DLG5: variants seen among roughly 807,000 people sequenced by gnomAD.
DLG5 encodes disks large homolog 5.
DLG5 carries 48 observed loss-of-function variants against 189.8 expected under a neutral mutation model. The ratio of observed to expected loss-of-function variants is 0.25; its 90% confidence interval spans 0.20 to 0.32. The LOEUF (loss-of-function observed/expected upper bound fraction) is 0.32, where lower values mean the gene tolerates loss of function less well. DLG5 is among the 10% of genes least tolerant of loss of function. DLG5 has a pLI of 1.00. For missense variants in DLG5, 2,160 were observed against 2,544.7 expected (o/e 0.85, Z 3.25); for synonymous variants, 1,016 against 1,054.1 (o/e 0.96, Z 0.70).
intron 9 of DLG5, among the ~76,000 whole-genome samples, chr10:77,832,712 T>A (rs775231033): frequency 6.6e-6 from 1 of 152,130 alleles, no homozygotes; most frequent in African/African-American, 2.4e-5. Flanking sequence ...ACAAGCTGAA[T>A]GCACAAGCTT....
At chr10:77,933,507 T>C in the DLG5 span, among the ~76,000 whole-genome samples, 20 of 152,062 alleles carry the variant, frequency 1.3e-4, no homozygotes, top group Admixed American at 6.6e-4. Context: ...TTGGCCAGGC[T>C]AGTCTCAAAC....
chr10:77,869,650 G>A lies in DLG5; in HGVS notation c.305-453C>T, dbSNP rs181053624. On this transcript the variant is annotated intron_variant, in intron 1 of 31. Coordinates refer to ENST00000372391, the MANE Select transcript of DLG5 (RefSeq NM_004747.4). Reference sequence around the variant, plus strand: ...CTGTTCTGCTCTTTAGGTTCTAACTGTATTCAAGCTCAGTTCTTAATAATT... The same window carrying A: ...CTGTTCTGCTCTTTAGGTTCTAACTATATTCAAGCTCAGTTCTTAATAATT... The A allele has an allele frequency of 1.3e-4, 23 of 173,742 alleles. No individual in the cohort carries two copies. The East Asian group carries it at 3.4e-3, about 26-fold the overall frequency. 10.8% of individuals were successfully genotyped at this position (173,742 alleles called of 1,614,324 possible).
chr10:77,800,401 C>G (rs1841137964), intron 27 of DLG5, among the ~76,000 whole-genome samples: 1 of 152,186 alleles, frequency 6.6e-6, no homozygotes, highest in South Asian at 2.1e-4. Context: ...GCCTTTCCCC[C>G]TTCAGAGCAA....
chr10:77,931,849 T>G, the DLG5 span, among the ~76,000 whole-genome samples: 1 of 152,210 alleles, frequency 6.6e-6, no homozygotes, highest in Non-Finnish European at 1.5e-5. Context: ...CTAGGTACTG[T>G]ACTTCCCGGA....
chr10:77,829,343 C>T lies in DLG5; in HGVS notation c.2185+12G>A. 6.2e-7 allele frequency: 1 copy of T among 1,613,288 alleles called. No homozygotes were observed. Among genetic ancestry groups the T allele is most frequent in the East Asian group, 2.2e-5 (1 of 44,892 alleles). The stretch of plus-strand genomic sequence containing the variant: ...CACCTGAGGCACTCTGCCATGTTCA[C>T]AGGCCCGCTACCTTTCTGTCCACTG... On this transcript the variant is annotated intron_variant, in intron 12 of 31. Coordinates refer to ENST00000372391, the MANE Select transcript of DLG5 (RefSeq NM_004747.4).
intron 2 of DLG5, among the ~76,000 whole-genome samples, chr10:77,858,482 C>A (rs954760053): frequency 2.6e-5 from 4 of 151,604 alleles, no homozygotes; most frequent in Admixed American, 2.0e-4. Flanking sequence ...CAAAAAATAC[C>A]AAAAAATTAG....
rs111288064 is a variant in DLG5, at chr10:77,837,684, G to A, written c.1438-1762C>T. ...ATTCTGATTACACTGGTGAGGAACC[G>A]CAGGATCTAGAAGTGACTCGCCAGG... On this transcript the variant is annotated intron_variant, in intron 7 of 31. Transcript: ENST00000372391. 7.3e-3 allele frequency among the ~76,000 whole-genome samples: 1,107 copies of A among 152,334 alleles called. 9 individuals are homozygous for A. The highest frequency in any genetic ancestry group is 9.6e-3 in the Non-Finnish European group (656 of 68,026).
Position 77,869,183 on chromosome 10 carries a change from C to T in DLG5, c.319G>A (p.Val107Ile), listed in dbSNP as rs756542162. ...GAGTCTGAGGGCATGGTGGACAGGA[C>T]GCTGTAGGTAGAACCTGGGGAAAGA... ...PAEGAGSTYS[V>I]LSTMPSDSES... The change falls in exon 2 of 32, where the codon GTC becomes ATC. Residue 107 changes from valine to isoleucine, a missense_variant. By Grantham distance (29) the Val-to-Ile change is conservative. Around this residue, in one of 5 missense-constraint regions of DLG5, gnomAD observed 664 missense variants for 838.5 expected, o/e 0.79. Coordinates refer to ENST00000372391, the MANE Select transcript of DLG5 (RefSeq NM_004747.4). The T allele has an allele frequency of 5.6e-6, 9 of 1,613,658 alleles. No homozygotes were observed. The highest frequency in any genetic ancestry group is 2.2e-5 in the East Asian group (1 of 44,840).
intron 15 of DLG5, 21 bp downstream of exon 15, chr10:77,821,061 C>A (rs1388254807): frequency 6.3e-7 from 1 of 1,579,488 alleles, no homozygotes; most frequent in Non-Finnish European, 8.6e-7. Context: ...CCCCTCCCCA[C>A]ACCCTGGGGC....
chr10:77,818,773 CA>C (rs200762623), intron 17 of DLG5, among the ~76,000 whole-genome samples: 5,185 of 118,188 alleles, frequency 0.044, 300 homozygotes, highest in African/African-American at 0.17. Context: ...CATCTGATAT[CA>C]CTTCGTTCAT....
At chr10:77,861,663 C>T (rs1002310053) in intron 2 of DLG5, among the ~76,000 whole-genome samples, 2 of 152,206 alleles carry the variant, frequency 1.3e-5, no homozygotes. Flanking sequence ...TCATTAATCT[C>T]CACAGCTCCC....
At position 77,796,175 on chromosome 10, in the gene DLG5, G is replaced by A. The variant is rs1319585027; in HGVS notation, c.5322C>T (p.Ala1774=). Residue 1774 remains alanine, a synonymous_variant, in exon 29 of 32, where the codon GCC becomes GCT. Coordinates refer to ENST00000372391, the MANE Select transcript of DLG5 (RefSeq NM_004747.4). This position sits in a 1 kb window ranked among gnomAD's most constrained non-coding sequence, Gnocchi z 5.2. ...FCRCPLEVMK[A]SQQAIERGVK... Reference sequence around the variant, plus strand: ...CACCCCGCTCAATGGCCTGCTGGGAGGCCTTCATCACCTCTGCAATGCACA... The same window carrying A: ...CACCCCGCTCAATGGCCTGCTGGGAAGCCTTCATCACCTCTGCAATGCACA... The A allele has an allele frequency of 6.2e-7, 1 of 1,614,156 alleles. No homozygotes were observed. The highest frequency in any genetic ancestry group is 1.1e-5 in the South Asian group (1 of 91,088).
intron 1 of DLG5, among the ~76,000 whole-genome samples, chr10:77,914,587 T>A (rs542827903): frequency 2.4e-4 from 37 of 152,154 alleles, no homozygotes; most frequent in African/African-American, 8.9e-4. Flanking sequence ...CATTCAGATG[T>A]CTCCAGTCCC....
intron 13 of DLG5, among the ~76,000 whole-genome samples, chr10:77,825,777 G>A (rs951788535): frequency 7.2e-5 from 11 of 151,806 alleles, no homozygotes; most frequent in South Asian, 6.3e-4. Context: ...GGCTGGTCTC[G>A]AACCCCTGAA....
At chr10:77,871,536 C>CTTTTTTTTTTTTTT in intron 1 of DLG5, among the ~76,000 whole-genome samples, 1 of 83,886 alleles carries the variant, frequency 1.2e-5, no homozygotes, top group Non-Finnish European at 2.1e-5. Context: ...AAGCATCACA[C>CTTTTTTTTTTTTTT]TTTTTTTTTT....
intron 1 of DLG5, among the ~76,000 whole-genome samples, chr10:77,917,105 C>A (rs1044521904): frequency 6.6e-6 from 1 of 151,726 alleles, no homozygotes; most frequent in Non-Finnish European, 1.5e-5. Flanking sequence ...GAGGCCAAGG[C>A]GGCCAGATCG....
At chr10:77,819,721 A>G (rs1842240711) in intron 16 of DLG5, 174 bp downstream of exon 16, 2 of 1,178,028 alleles carry the variant, frequency 1.7e-6, no homozygotes, top group Admixed American at 2.4e-5. Flanking sequence ...AAGCTAAGAC[A>G]TGTCATGGCT....
chr10:77,826,387 G>A (rs7919025), intron 13 of DLG5, among the ~76,000 whole-genome samples: 38,952 of 152,100 alleles, frequency 0.26, 5,543 homozygotes, highest in Admixed American at 0.39. Context: ...CTAGCACTTC[G>A]GGAGGCTGAG....
At position 77,796,005 on chromosome 10, in the gene DLG5, T is replaced by C. The variant is rs2154574798; in HGVS notation, c.5436+56A>G. 2 of 1,612,964 alleles carry C rather than the reference T, an allele frequency of 1.2e-6. No individual in the cohort carries two copies. The highest frequency in any genetic ancestry group is 4.5e-5 in the East Asian group (2 of 44,852). On this transcript the variant is annotated intron_variant, in intron 29 of 31. Coordinates refer to ENST00000372391, the MANE Select transcript of DLG5 (RefSeq NM_004747.4). The surrounding 1 kb of genome is among the most constrained non-coding windows in gnomAD (Gnocchi z 5.2). ...GGATCACGGACCAGGGGCCTAGACC[T>C]GTGCACAGGAGGTCTAATACTGGAT...
Sources: allele counts gnomAD v4.1 joint callset (sites outside exome capture counted in the v4.1 genomes callset), GRCh38; gene constraint gnomAD v4.1.1; regional missense constraint gnomAD v4.1.1; non-coding constraint Gnocchi (gnomAD v3.1); transcripts MANE v1.5; gene names NCBI Gene and HGNC (gene_info 2026-07-23, HGNC 2026-07-21).